The following HACE1 variants were observed in gnomAD, a reference collection of about 807,000 sequenced individuals.
HACE1 encodes E3 ubiquitin-protein ligase HACE1.
In HACE1, 73 loss-of-function variants were observed where a neutral mutation model predicts 118.4. The ratio of observed to expected loss-of-function variants is 0.62; its 90% CI spans 0.51 to 0.75. HACE1 has a LOEUF of 0.75. HACE1 is among the 30% of genes least tolerant of loss of function. The pLI is 0.00. For missense variants in HACE1, 749 were observed against 1,102.2 expected, an observed-to-expected ratio of 0.68 and a Z score of 4.54; for synonymous variants, 368 against 374.8, an observed-to-expected ratio of 0.98 and a Z score of 0.21.
At chr6:104,811,273 T>C (rs923981133) in intron 7 of HACE1, 38 bp downstream of exon 7, 1 of 585,444 alleles carries the variant, frequency 1.7e-6, no homozygotes, top group Non-Finnish European at 3.2e-6. Flanking sequence ...TATATATATA[T>C]GAGCATATAT....
intron 10 of HACE1, 89 bp downstream of exon 10, chr6:104,795,490 C>T: frequency 1.2e-6 from 1 of 829,468 alleles, no homozygotes; most frequent in Non-Finnish European, 2.1e-6. Flanking sequence ...TTATCACTGA[C>T]AAAAGGTATC....
chr6:104,851,094 T>C (rs1776157659), intron 2 of HACE1, 98 bp from the exon 3 acceptor site: 1 of 771,444 alleles, frequency 1.3e-6, no homozygotes, highest in African/African-American at 1.7e-5. Flanking sequence ...TTTGTTTGTT[T>C]GTTTGTTGAG....
chr6:104,780,636 A>G (rs1781628270), intron 14 of HACE1, among the ~76,000 whole-genome samples: 1 of 152,122 alleles, frequency 6.6e-6, no homozygotes, highest in Non-Finnish European at 1.5e-5. Flanking sequence ...AGTCCCCTAT[A>G]AACACTTAGG....
intron 22 of HACE1, among the ~76,000 whole-genome samples, chr6:104,733,616 G>C (rs1369697135): frequency 2.0e-5 from 3 of 152,148 alleles, no homozygotes; most frequent in Non-Finnish European, 4.4e-5. Flanking sequence ...ACTTTGGGAG[G>C]TCGAGGCTGG....
intron 1 of HACE1, chr6:104,858,679 A>T (rs992057776): frequency 1.1e-5 from 2 of 185,948 alleles, no homozygotes; most frequent in Non-Finnish European, 1.2e-5. Flanking sequence ...AAACTACTAC[A>T]ATTAAGAAAA....
chr6:104,833,498 G>T (rs1774212109), intron 5 of HACE1, among the ~76,000 whole-genome samples: 1 of 151,996 alleles, frequency 6.6e-6, no homozygotes, highest in African/African-American at 2.4e-5. Context: ...TTTTATATGA[G>T]GAAAACTTCG....
intron 1 of HACE1, among the ~76,000 whole-genome samples, chr6:104,855,050 G>T (rs761295159): frequency 8.5e-5 from 13 of 152,112 alleles, no homozygotes; most frequent in Non-Finnish European, 1.9e-4. Flanking sequence ...TATGAAGTAG[G>T]TACTATTATC....
chr6:104,797,603 C>T (rs1247757668), intron 7 of HACE1, among the ~76,000 whole-genome samples: 1 of 152,052 alleles, frequency 6.6e-6, no homozygotes, highest in African/African-American at 2.4e-5. Context: ...ATCTAGCTTT[C>T]GATCTTCATT....
At chr6:104,785,404 T>C (rs920704305) in intron 11 of HACE1, 85 bp from the exon 12 acceptor site, 2 of 790,244 alleles carry the variant, frequency 2.5e-6, no homozygotes, top group Admixed American at 2.3e-5. Flanking sequence ...TAGACAAATA[T>C]TATAGAAGAG....
rs1435867286 is a variant in HACE1 at position 104,834,555 on chromosome 6, T to C, written c.403-1382A>G. Among the ~76,000 whole-genome samples the C allele has an allele frequency of 2.0e-5, 3 of 152,200 alleles. No individual in the cohort carries two copies. In the East Asian group the frequency reaches 5.8e-4, roughly 29 times the overall value. On this transcript the variant is annotated intron_variant, in intron 5 of 23. Coordinates refer to ENST00000262903, the MANE Select transcript of HACE1 (RefSeq NM_020771.4). ...GTTTTAAAATGGCAGGTTTAATCCA[T>C]GCATCAGTCTCTACTTCTTCCCTAA... is the stretch of plus-strand genomic sequence containing the variant.
At position 104,730,010 on chromosome 6, in the gene HACE1, G is replaced by A. The variant is rs12203702; in HGVS notation, c.2628-246C>T. ...CAGCTTAAAATAAATAAGCAATAGG[G>A]CAATTTAGTTTGAAGTGATGGTGTG... On this transcript the variant is annotated intron_variant, in intron 23 of 23. Coordinates refer to ENST00000262903, the MANE Select transcript of HACE1 (RefSeq NM_020771.4). 8.9e-3 allele frequency among the ~76,000 whole-genome samples: 1,349 copies of A among 152,210 alleles called. 8 individuals carry two copies. Among genetic ancestry groups the A allele is most frequent in the Non-Finnish European group, 0.015 (1,002 of 67,966 alleles).
rs185376932 is a variant in HACE1, at chr6:104,749,457, T to A, written c.2343+884A>T. ...ACTAAGATATACTATGAATGATAAA[T>A]TAAAAATACTGATACATATGTAAAA... On this transcript the variant is annotated intron_variant, in intron 20 of 23. Transcript: ENST00000262903. Among the ~76,000 whole-genome samples, 5 of 152,218 alleles carry A rather than the reference T, an allele frequency of 3.3e-5. No individual in the cohort carries two copies. The East Asian group carries it at 9.6e-4, about 29-fold the overall frequency.
At chr6:104,853,399 T>G (rs1166013478) in intron 1 of HACE1, among the ~76,000 whole-genome samples, 1 of 152,216 alleles carries the variant, frequency 6.6e-6, no homozygotes, top group Non-Finnish European at 1.5e-5. Context: ...TGATGCCATA[T>G]TATACTTATG....
Position 104,791,660 on chromosome 6 carries a change from A to T in HACE1, c.924-6T>A, listed in dbSNP as rs749269060. 6 of 1,582,674 alleles carry T rather than the reference A, an allele frequency of 3.8e-6. No homozygotes were observed. In the African/African-American group the frequency reaches 6.7e-5, roughly 18 times the overall value. On this transcript the variant is annotated splice_region_variant and splice_polypyrimidine_tract_variant and intron_variant, in intron 10 of 23. Transcript: ENST00000262903. ...CATCATAATTGCTAGAGAGGCTGAA[A>T]ATAAAAATTAAAATATGAGATTAGA...
chr6:104,820,041 A>G (rs1772529442), intron 6 of HACE1, among the ~76,000 whole-genome samples: 1 of 152,012 alleles, frequency 6.6e-6, no homozygotes, highest in African/African-American at 2.4e-5. Context: ...CTAAAAATAC[A>G]AAAATTAGCC....
chr6:104,802,261 A>AAT (rs961144029), intron 7 of HACE1, among the ~76,000 whole-genome samples: 14 of 152,286 alleles, frequency 9.2e-5, no homozygotes, highest in African/African-American at 3.1e-4. Context: ...CCCACACAAT[A>AAT]ATAATGGGAG....
intron 22 of HACE1, among the ~76,000 whole-genome samples, chr6:104,737,769 C>T (rs767608850): frequency 1.1e-4 from 17 of 152,222 alleles, no homozygotes; most frequent in Non-Finnish European, 2.1e-4. Context: ...CCGCCATTTT[C>T]CAGGCTTGAT....
At chr6:104,754,385 A>G (rs1249848121) in intron 19 of HACE1, among the ~76,000 whole-genome samples, 1 of 152,170 alleles carries the variant, frequency 6.6e-6, no homozygotes, top group Non-Finnish European at 1.5e-5. Context: ...CAACATTCAA[A>G]TTCAGGAAAT....
intron 22 of HACE1, among the ~76,000 whole-genome samples, chr6:104,743,112 T>G (rs1181187409): frequency 7.2e-6 from 1 of 138,358 alleles, no homozygotes; most frequent in Admixed American, 8.4e-5. Context: ...AATTGAACAA[T>G]GAGATCACAT....
Sources: allele counts gnomAD v4.1 joint callset (sites outside exome capture counted in the v4.1 genomes callset), GRCh38; gene constraint gnomAD v4.1.1; transcripts MANE v1.5; gene names NCBI Gene and HGNC (gene_info 2026-07-23, HGNC 2026-07-21).